The following MRPL33 variants were observed in gnomAD, a reference collection of about 807,000 sequenced individuals.
MRPL33 encodes the protein large ribosomal subunit protein bL33m.
In MRPL33, 5 loss-of-function variants were observed where a neutral mutation model predicts 10.1. That is an observed-to-expected ratio of 0.49 (90% CI 0.26 to 1.04). MRPL33 has a LOEUF of 1.04. Among genes scored for constraint, MRPL33 ranks in the 50% least tolerant of loss-of-function variants. The pLI is 0.14. For missense variants in MRPL33, 79 were observed against 78.1 expected, an observed-to-expected ratio of 1.01 and a Z score of -0.04; for synonymous variants, 24 against 27.7, an observed-to-expected ratio of 0.87 and a Z score of 0.42.
At chr2:27,772,504 C>T (rs974485336) in intron 1 of MRPL33, 170 bp from the exon 2 acceptor site, 21 of 568,000 alleles carry the variant, frequency 3.7e-5, no homozygotes, top group Admixed American at 6.8e-5. Flanking sequence ...CTATAAAATC[C>T]TAAGGGGATC....
At chr2:27,771,907 C>G in intron 1 of MRPL33, 108 bp downstream of exon 1, 1 of 1,187,260 alleles carries the variant, frequency 8.4e-7, no homozygotes, top group Non-Finnish European at 1.2e-6. Context: ...GGACGGGAAG[C>G]TGCAGCTGCG....
intron 3 of MRPL33, among the ~76,000 whole-genome samples, chr2:27,777,740 G>T (rs1446526824): frequency 6.6e-6 from 1 of 152,138 alleles, no homozygotes; most frequent in African/African-American, 2.4e-5. Context: ...TGCAGTGAAT[G>T]AATCAAAGAA....
chr2:27,772,070 C>T (rs566505922), intron 1 of MRPL33: 10 of 450,052 alleles, frequency 2.2e-5, no homozygotes, highest in African/African-American at 4.1e-5. Context: ...GCGTTTTTCT[C>T]CAGCCCGTGT....
intron 2 of MRPL33, among the ~76,000 whole-genome samples, chr2:27,773,306 T>C (rs1457411304): frequency 6.6e-6 from 1 of 152,226 alleles, no homozygotes; most frequent in African/African-American, 2.4e-5. Context: ...ACTCAAGACA[T>C]TGAAAATCCT....
At chr2:27,774,642 A>T in intron 3 of MRPL33, 112 bp downstream of exon 3, 1 of 772,742 alleles carries the variant, frequency 1.3e-6, no homozygotes, top group Non-Finnish European at 2.3e-6. Context: ...TTCATTTAGT[A>T]AATAGGTATT....
At chr2:27,777,029 T>C (rs1677188724) in intron 3 of MRPL33, among the ~76,000 whole-genome samples, 1 of 152,200 alleles carries the variant, frequency 6.6e-6, no homozygotes, top group South Asian at 2.1e-4. Context: ...CTCAAGTCCC[T>C]GTTCTTCTAT....
chr2:27,773,934 A>T (rs921697264), intron 2 of MRPL33, among the ~76,000 whole-genome samples: 1 of 152,182 alleles, frequency 6.6e-6, no homozygotes, highest in Non-Finnish European at 1.5e-5. Flanking sequence ...GTGGAACTTA[A>T]ATGAAATATG....
Position 27,774,501 on chromosome 2 carries a change from A to G in MRPL33, c.119A>G (p.Lys40Arg). Reference protein sequence around the residue: ...FNTKRNRLREKLTLLHYDPVV... With the variant: ...FNTKRNRLRERLTLLHYDPVV... Reference sequence around the variant, plus strand: ...ACCAAGAGAAACCGACTGCGGGAAAAACTGACTCTTTTGCATTATGATCCA... The same window carrying G: ...ACCAAGAGAAACCGACTGCGGGAAAGACTGACTCTTTTGCATTATGATCCA... Residue 40 changes from lysine (K) to arginine (R), a missense_variant, in exon 3 of 4, where the codon AAA becomes AGA. Transcript: ENST00000296102. 6.2e-7 allele frequency: 1 copy of G among 1,614,008 alleles called. No individual in the cohort carries two copies. The highest frequency in any genetic ancestry group is 8.5e-7 in the Non-Finnish European group (1 of 1,179,894).
intron 1 of MRPL33, 101 bp downstream of exon 1, chr2:27,771,900 C>A: frequency 2.4e-6 from 3 of 1,240,378 alleles, no homozygotes; most frequent in Admixed American, 2.1e-5. Context: ...GCGAACAGGA[C>A]GGGAAGCTGC....
rs72853231 is a variant in MRPL33, at chr2:27,779,060, C to G, written c.149-373C>G. Among the ~76,000 whole-genome samples the G allele has an allele frequency of 4.2e-3, 634 of 152,336 alleles. 6 individuals carry two copies. Among genetic ancestry groups the G allele is most frequent in the African/African-American group, 0.014 (602 of 41,582 alleles). On this transcript the variant is annotated intron_variant, in intron 3 of 3. Coordinates refer to ENST00000296102, the MANE Select transcript of MRPL33 (RefSeq NM_004891.4). ...CGTGGTCCACTTGGTTCTTGCTGCT[C>G]TCTTTCTGGAGTCCAGCTCCCAGTC...
At chr2:27,775,578 C>CT (rs1238462116) in intron 3 of MRPL33, among the ~76,000 whole-genome samples, 3 of 152,074 alleles carry the variant, frequency 2.0e-5, no homozygotes, top group Non-Finnish European at 2.9e-5. Context: ...TCTTGAACTC[C>CT]TGACCTCAGG....
intron 2 of MRPL33, chr2:27,772,977 C>T (rs1163865843): frequency 2.5e-6 from 1 of 397,758 alleles, no homozygotes; most frequent in Non-Finnish European, 4.5e-6. Context: ...TCTAAACAAA[C>T]CATTGGGCTG....
At position 27,771,734 on chromosome 2, in the gene MRPL33, G is replaced by T; in HGVS notation, c.-44G>T. 3 of 1,613,434 alleles carry T rather than the reference G, an allele frequency of 1.9e-6. No individual in the cohort carries two copies. In the South Asian group the frequency reaches 3.3e-5, roughly 18 times the overall value. ...CCCCGGAAGCAGTTGTTGTTGGTTGGGGGCCTTTTGGCCGGTGACGGAGAC... is the reference window on the plus strand; with the variant it reads ...CCCCGGAAGCAGTTGTTGTTGGTTGTGGGCCTTTTGGCCGGTGACGGAGAC... On this transcript the variant is annotated 5_prime_UTR_variant, in exon 1 of 4. Transcript: ENST00000296102.
chr2:27,772,633 AT>A, intron 1 of MRPL33, 40 bp from the exon 2 acceptor site: 1 of 1,493,812 alleles, frequency 6.7e-7, no homozygotes, highest in Non-Finnish European at 9.2e-7. Context: ...ATACATTTAT[AT>A]TTTTATTTTC....
intron 3 of MRPL33, among the ~76,000 whole-genome samples, chr2:27,777,727 A>T (rs1026142725): frequency 2.0e-5 from 3 of 152,224 alleles, no homozygotes; most frequent in Admixed American, 6.5e-5. Context: ...TTAAAGGAAT[A>T]GGTGCAGTGA....
chr2:27,777,263 A>G (rs1259933866), intron 3 of MRPL33, among the ~76,000 whole-genome samples: 1 of 151,468 alleles, frequency 6.6e-6, no homozygotes, highest in African/African-American at 2.4e-5. Flanking sequence ...CCTGGCCTCT[A>G]CTAATCCTCC....
At chr2:27,774,393 T>C in intron 2 of MRPL33, 31 bp from the exon 3 acceptor site, 1 of 1,573,792 alleles carries the variant, frequency 6.4e-7, no homozygotes, top group Non-Finnish European at 8.7e-7. Flanking sequence ...TTTCGTCAGC[T>C]CGTACATAAC....
chr2:27,775,731 TAA>T, intron 3 of MRPL33, among the ~76,000 whole-genome samples: 1 of 152,338 alleles, frequency 6.6e-6, no homozygotes, highest in South Asian at 2.1e-4. Flanking sequence ...GTTGTCAGCT[TAA>T]AGTTTCTTGT....
chr2:27,779,007 GT>G (rs1340591493), intron 3 of MRPL33, among the ~76,000 whole-genome samples: 1 of 152,186 alleles, frequency 6.6e-6, no homozygotes, highest in African/African-American at 2.4e-5. Flanking sequence ...GGAAGTAGAG[GT>G]TTAGTGTCTA....
Sources: gnomAD v4.1 joint callset for allele counts (sites outside exome capture counted in the v4.1 genomes callset) on GRCh38, gnomAD v4.1.1 for gene constraint, MANE v1.5 for transcripts, NCBI Gene and HGNC (gene_info 2026-07-23, HGNC 2026-07-21) for gene names.